Variants in BCL2L11 observed in about 807,000 individuals in gnomAD.
BCL2L11 encodes BCL2 like 11.
In BCL2L11, 15 loss-of-function variants were observed where a neutral mutation model predicts 20.6. The observed-to-expected ratio is 0.73, with a 90% CI of 0.49 to 1.12. The LOEUF (loss-of-function observed/expected upper bound fraction) is 1.12, where lower values mean the gene tolerates loss of function less well. Ranked by LOEUF, BCL2L11 falls within the 50% of genes most tolerant of loss-of-function variation. The pLI is 0.00. For synonymous variants in BCL2L11, 108 were observed against 92.8 expected, an observed-to-expected ratio of 1.16 and a Z score of -0.94; for missense variants, 292 against 260.9, an observed-to-expected ratio of 1.12 and a Z score of -0.82.
rs1444228486 is a variant in BCL2L11 at position 111,123,889 on chromosome 2, C to G, written c.144C>G (p.His48Gln). ...CACAAGGTAATCCTGAAGGCAATCA[C>G]GGAGGTGAAGGGGACAGCTGCCCCC... ...TEPQGNPEGN[H>Q]GGEGDSCPHG... Residue 48 changes from histidine (H) to glutamine (Q), a missense_variant, in exon 2 of 4, where the codon CAC becomes CAG. By Grantham distance (24) the His-to-Gln change is conservative (BLOSUM62 0). Coordinates refer to ENST00000393256, the MANE Select transcript of BCL2L11 (RefSeq NM_138621.5). The G allele has an allele frequency of 1.9e-6, 3 of 1,609,722 alleles. No homozygotes were observed. The highest frequency in any genetic ancestry group is 2.5e-6 in the Non-Finnish European group (3 of 1,178,066).
intron 2 of BCL2L11, among the ~76,000 whole-genome samples, chr2:111,132,622 G>C (rs980314160): frequency 3.3e-5 from 5 of 152,148 alleles, no homozygotes; most frequent in African/African-American, 7.2e-5. Context: ...GGCTTTGCTG[G>C]AATTTTTTCA....
At chr2:111,122,632 G>A (rs2071349695) in intron 1 of BCL2L11, 6 of 984,202 alleles carry the variant, frequency 6.1e-6, no homozygotes, top group Non-Finnish European at 7.2e-6. Flanking sequence ...GAGCGCGAGG[G>A]GAGGAGCGGG....
intron 2 of BCL2L11, among the ~76,000 whole-genome samples, chr2:111,136,292 A>T (rs6750599): frequency 0.51 from 78,118 of 151,838 alleles, 20,553 homozygotes; most frequent in East Asian, 0.56. Flanking sequence ...AAAACGGCAT[A>T]CTCCCTGTCC....
chr2:111,134,656 A>G (rs2074534212), intron 2 of BCL2L11, among the ~76,000 whole-genome samples: 1 of 151,762 alleles, frequency 6.6e-6, no homozygotes, highest in South Asian at 2.1e-4. Flanking sequence ...TTCTTTTGTC[A>G]TTTCCTTTCT....
intron 2 of BCL2L11, among the ~76,000 whole-genome samples, chr2:111,125,283 C>G (rs1051061805): frequency 6.6e-6 from 1 of 152,214 alleles, no homozygotes; most frequent in Non-Finnish European, 1.5e-5. Context: ...GAACCTACAG[C>G]ATGTGACTTT....
chr2:111,122,768 T>G, intron 1 of BCL2L11: 1 of 985,226 alleles, frequency 1.0e-6, no homozygotes, highest in Non-Finnish European at 1.2e-6. Flanking sequence ...GGCTTTGCGC[T>G]GCGCCGGGGA....
At chr2:111,137,382 C>G (rs1055285192) in intron 2 of BCL2L11, among the ~76,000 whole-genome samples, 3 of 152,208 alleles carry the variant, frequency 2.0e-5, no homozygotes, top group Non-Finnish European at 4.4e-5. Context: ...TTAGACCAGC[C>G]TCAGTCTCTT....
intron 2 of BCL2L11, among the ~76,000 whole-genome samples, chr2:111,140,965 C>G (rs766747375): frequency 4.6e-5 from 7 of 152,250 alleles, no homozygotes; most frequent in Non-Finnish European, 7.3e-5. Context: ...CTGGCATACA[C>G]TGTACAAGGT....
chr2:111,148,797 G>A (rs548533847), intron 2 of BCL2L11, among the ~76,000 whole-genome samples: 1 of 152,158 alleles, frequency 6.6e-6, no homozygotes, highest in African/African-American at 2.4e-5. Context: ...TGGGATTATT[G>A]TTAAATTCAC....
chr2:111,157,792 TG>T, intron 3 of BCL2L11, among the ~76,000 whole-genome samples: 1 of 152,310 alleles, frequency 6.6e-6, no homozygotes, highest in South Asian at 2.1e-4. Context: ...TTTATGCAAA[TG>T]TAGTTTTTAT....
At chr2:111,122,746 C>G (rs553480233) in intron 1 of BCL2L11, 1 of 985,284 alleles carries the variant, frequency 1.0e-6, no homozygotes, top group Non-Finnish European at 1.2e-6. Flanking sequence ...GGCGGGCTGG[C>G]GGGAAGGCGC....
chr2:111,131,882 A>C (rs946958201), intron 2 of BCL2L11: 9 of 152,210 alleles, frequency 5.9e-5, no homozygotes, highest in Admixed American at 5.9e-4. Flanking sequence ...GGATTTATGG[A>C]AAGATAATAT....
intron 2 of BCL2L11, among the ~76,000 whole-genome samples, chr2:111,130,479 G>A (rs1266847382): frequency 2.0e-5 from 3 of 152,214 alleles, no homozygotes; most frequent in African/African-American, 7.2e-5. Flanking sequence ...CTTCTGTTGT[G>A]CAGTTTGCTG....
At chr2:111,127,529 T>G (rs899275988) in intron 2 of BCL2L11, among the ~76,000 whole-genome samples, 1 of 151,450 alleles carries the variant, frequency 6.6e-6, no homozygotes, top group Non-Finnish European at 1.5e-5. Context: ...AATAATGGCC[T>G]GCAGATGCTA....
At position 111,120,977 on chromosome 2, in the gene BCL2L11, G is replaced by A. The variant is rs2070756598; in HGVS notation, c.-225G>A. The A allele has an allele frequency of 2.8e-5, 8 of 283,420 alleles. No individual in the cohort carries two copies. The Admixed American group carries it at 4.5e-4, about 16-fold the overall frequency. The allele number at this position is 283,420 out of a possible 1,614,324, so 17.6% of individuals were successfully genotyped here. On this transcript the variant is annotated 5_prime_UTR_variant, in exon 1 of 4. Coordinates refer to ENST00000393256, the MANE Select transcript of BCL2L11 (RefSeq NM_138621.5). ...GAGCTCTGCGTCCAGCGCCGCTGCC[G>A]CTGCCGCCGCCGCCGCCGCCGCCGC...
In BCL2L11 at chr2:111,165,704, T is replaced by A. The variant is rs981130950; in HGVS notation, c.*1473T>A. 2 of 152,030 alleles carry A rather than the reference T, an allele frequency of 1.3e-5. No individual in the cohort carries two copies. The highest frequency in any genetic ancestry group is 2.9e-5 in the Non-Finnish European group (2 of 67,994). 9.4% of individuals were successfully genotyped at this position (152,030 alleles called of 1,614,324 possible). A position where few individuals can be genotyped will look rare whatever the true frequency, so the allele number is the denominator to read the frequency against. Reference sequence around the variant, plus strand: ...GAGTCAGGTTAGGGAGCAGTGAAAGTGAGGAGGGAAGACAATTCTGTGAAC... The same window carrying A: ...GAGTCAGGTTAGGGAGCAGTGAAAGAGAGGAGGGAAGACAATTCTGTGAAC... On this transcript the variant is annotated 3_prime_UTR_variant, in exon 4 of 4. Coordinates refer to ENST00000393256, the MANE Select transcript of BCL2L11 (RefSeq NM_138621.5).
At chr2:111,154,628 A>C (rs900471478) in intron 3 of BCL2L11, among the ~76,000 whole-genome samples, 2 of 152,212 alleles carry the variant, frequency 1.3e-5, no homozygotes, top group African/African-American at 4.8e-5. Flanking sequence ...GCACAGCAGG[A>C]AGCACATGAT....
Position 111,121,006 on chromosome 2 carries a change from CGCCGCCGCCGCCGCCACT to C in BCL2L11, c.-195_-178del, listed in dbSNP as rs1412136206. The C allele has an allele frequency of 1.7e-5, 7 of 401,930 alleles. No homozygotes were observed. The highest frequency in any genetic ancestry group is 2.6e-5 in the Non-Finnish European group (6 of 228,188). 24.9% of individuals were successfully genotyped at this position (401,930 alleles called of 1,614,324 possible). ...CCGCCGCCGCCGCCGCCGCCGCCGC[CGCCGCCGCCGCCGCCACT>C]ACCACCACTTGATTCTTGCAGCCAC... is the stretch of plus-strand genomic sequence containing the variant. On this transcript the variant is annotated 5_prime_UTR_variant, in exon 1 of 4. Coordinates refer to ENST00000393256, the MANE Select transcript of BCL2L11 (RefSeq NM_138621.5).
chr2:111,142,686 G>A (rs1487862421), intron 2 of BCL2L11, among the ~76,000 whole-genome samples: 1 of 152,156 alleles, frequency 6.6e-6, no homozygotes, highest in Non-Finnish European at 1.5e-5. Context: ...GGTGAAAACA[G>A]TAATACTGAA....
Sources: gnomAD v4.1 joint callset for allele counts (sites outside exome capture counted in the v4.1 genomes callset) on GRCh38, gnomAD v4.1.1 for gene constraint, MANE v1.5 for transcripts, NCBI Gene and HGNC (gene_info 2026-07-23, HGNC 2026-07-21) for gene names.